NTRK2: variants seen among roughly 807,000 people sequenced by gnomAD.
The protein encoded by NTRK2 is neurotrophic receptor tyrosine kinase 2, also known as BDNF/NT-3 growth factors receptor.
A neutral mutation model predicts 94.5 loss-of-function variants in NTRK2; 13 were observed. The ratio of observed to expected loss-of-function variants is 0.14; its 90% CI spans 0.09 to 0.22. The LOEUF is 0.22. Ranked by LOEUF, NTRK2 falls within the 10% of genes least tolerant of loss-of-function variation. The pLI, the probability that NTRK2 is intolerant of heterozygous loss-of-function variation, is 1.00. For synonymous variants in NTRK2, 372 were observed against 407.4 expected (o/e 0.91, Z 1.05); for missense variants, 639 against 1,071.2 (o/e 0.60, Z 5.63).
At position 84,873,347 on chromosome 9, in the gene NTRK2, G is replaced by A. The variant is rs201151652; in HGVS notation, c.1633+5916G>A. On this transcript the variant is annotated intron_variant, in intron 14 of 18. Coordinates refer to ENST00000277120, the MANE Select transcript of NTRK2 (RefSeq NM_006180.6). Reference sequence around the variant, plus strand: ...AAGCTAAGTCCATTCTGCCCAGCACGAGCATTAGGACAGAGAATGCACTTA... The same window carrying A: ...AAGCTAAGTCCATTCTGCCCAGCACAAGCATTAGGACAGAGAATGCACTTA... 2.3e-5 allele frequency: 24 copies of A among 1,058,136 alleles called. No homozygotes were observed. In the African/African-American group the frequency reaches 2.3e-4, roughly 10 times the overall value. The allele number at this position is 1,058,136 out of a possible 1,614,324, so 65.5% of individuals were successfully genotyped here. A position where few individuals can be genotyped will look rare whatever the true frequency, so the allele number is the denominator to read the frequency against.
At chr9:84,901,244 A>G (rs1429646189) in intron 14 of NTRK2, among the ~76,000 whole-genome samples, 1 of 139,794 alleles carries the variant, frequency 7.2e-6, no homozygotes, top group African/African-American at 2.6e-5. Flanking sequence ...ATTTTTTGAG[A>G]TGGAGTCTCT....
intron 12 of NTRK2, among the ~76,000 whole-genome samples, chr9:84,773,712 T>C (rs1269342310): frequency 6.6e-6 from 1 of 152,238 alleles, no homozygotes; most frequent in Non-Finnish European, 1.5e-5. Flanking sequence ...AGGTTTATGA[T>C]AGCCAGTTTC....
intron 2 of NTRK2, among the ~76,000 whole-genome samples, chr9:84,690,718 CAA>C (rs71499831): frequency 7.7e-6 from 1 of 130,192 alleles, no homozygotes; most frequent in Non-Finnish European, 1.6e-5. Context: ...GACTCCATCT[CAA>C]AAAAAAAAAT....
chr9:84,896,777 A>G (rs1257249603), intron 14 of NTRK2, among the ~76,000 whole-genome samples: 1 of 152,236 alleles, frequency 6.6e-6, no homozygotes, highest in Non-Finnish European at 1.5e-5. Context: ...GGACATCTCC[A>G]CAAAATGCTT....
At chr9:84,877,608 G>C in intron 14 of NTRK2, 7 of 1,065,846 alleles carry the variant, frequency 6.6e-6, no homozygotes, top group Non-Finnish European at 8.0e-6. Context: ...GCACCATGTT[G>C]GGCTGCGGTA....
At chr9:85,001,252 TC>T (rs1364233176) in intron 17 of NTRK2, among the ~76,000 whole-genome samples, 2 of 152,176 alleles carry the variant, frequency 1.3e-5, no homozygotes, top group Non-Finnish European at 2.9e-5. Flanking sequence ...CAGTTGTCAT[TC>T]TCTTTTCTGT....
chr9:84,980,496 TACTA>T (rs1417510006), intron 17 of NTRK2, among the ~76,000 whole-genome samples: 2 of 152,216 alleles, frequency 1.3e-5, no homozygotes, highest in Non-Finnish European at 2.9e-5. Context: ...ACATGAACAT[TACTA>T]ACTACTAATC....
Position 84,973,220 on chromosome 9 carries a change from G to A in NTRK2, c.2172+17703G>A, listed in dbSNP as rs1588086312. 2.0e-5 allele frequency among the ~76,000 whole-genome samples: 3 copies of A among 152,156 alleles called. No homozygotes were observed. The South Asian group carries it at 6.2e-4, about 32-fold the overall frequency. On this transcript the variant is annotated intron_variant, in intron 17 of 18. Transcript: ENST00000277120. ...TGAATAATTAAGTGGCAGTAGTTAA[G>A]AGAAAAAGGGGAAAATGGTAAGCAG...
At chr9:84,712,765 C>T (rs1293820348) in intron 6 of NTRK2, among the ~76,000 whole-genome samples, 5 of 152,154 alleles carry the variant, frequency 3.3e-5, no homozygotes, top group Non-Finnish European at 7.4e-5. Flanking sequence ...TCTTGCCTAA[C>T]CATTTCTCCT....
intron 11 of NTRK2, 80 bp downstream of exon 11, chr9:84,745,153 T>A (rs2063955964): frequency 1.1e-6 from 1 of 930,228 alleles, no homozygotes; most frequent in African/African-American, 1.6e-5. Context: ...GCTGCTTCAA[T>A]AAGACACTTT....
chr9:84,994,502 G>C (rs544430224), intron 17 of NTRK2, among the ~76,000 whole-genome samples: 10 of 152,272 alleles, frequency 6.6e-5, no homozygotes, highest in Non-Finnish European at 1.5e-4. Context: ...GGTTCCCCAG[G>C]CAGTGCCTTT....
intron 12 of NTRK2, among the ~76,000 whole-genome samples, chr9:84,766,390 G>T (rs78379886): frequency 3.1e-4 from 47 of 152,176 alleles, no homozygotes; most frequent in African/African-American, 1.1e-3. Flanking sequence ...TGTTGTTGTT[G>T]TTTTGTTTTT....
intron 5 of NTRK2, among the ~76,000 whole-genome samples, chr9:84,708,182 G>A (rs1217142368): frequency 6.6e-6 from 1 of 152,032 alleles, no homozygotes; most frequent in African/African-American, 2.4e-5. Context: ...AATAATTTCT[G>A]GTACAGGGAA....
At chr9:84,694,960 G>A (rs1421718991) in intron 2 of NTRK2, among the ~76,000 whole-genome samples, 1 of 150,690 alleles carries the variant, frequency 6.6e-6, no homozygotes, top group African/African-American at 2.4e-5. Flanking sequence ...GGTGGATCAC[G>A]AGGTCAGGAG....
At chr9:84,799,645 A>G (rs2070140644) in intron 12 of NTRK2, among the ~76,000 whole-genome samples, 2 of 151,904 alleles carry the variant, frequency 1.3e-5, no homozygotes, top group African/African-American at 4.8e-5. Context: ...AATTCTGTGG[A>G]ATTTTTGATG....
chr9:84,827,099 T>C (rs2073237980), intron 12 of NTRK2, among the ~76,000 whole-genome samples: 1 of 152,234 alleles, frequency 6.6e-6, no homozygotes, highest in South Asian at 2.1e-4. Flanking sequence ...TATCATTACA[T>C]TATCATTCAC....
chr9:84,679,784 G>A (rs1203244910), intron 2 of NTRK2, among the ~76,000 whole-genome samples: 4 of 152,232 alleles, frequency 2.6e-5, no homozygotes, highest in African/African-American at 9.6e-5. Context: ...CTAAACAGCA[G>A]AAACCTGACC....
intron 12 of NTRK2, among the ~76,000 whole-genome samples, chr9:84,794,268 A>T (rs1286143394): frequency 6.6e-6 from 1 of 152,236 alleles, no homozygotes; most frequent in East Asian, 1.9e-4. Flanking sequence ...TTGCCTAGAA[A>T]TAGGCAGGAG....
chr9:84,987,018 G>A (rs559888479), intron 17 of NTRK2, among the ~76,000 whole-genome samples: 114 of 152,298 alleles, frequency 7.5e-4, no homozygotes, highest in Admixed American at 1.9e-3. Flanking sequence ...ATGAAGCTGA[G>A]GGAGGGTAGA....
Sources: allele counts gnomAD v4.1 joint callset (sites outside exome capture counted in the v4.1 genomes callset), GRCh38; gene constraint gnomAD v4.1.1; transcripts MANE v1.5; gene names NCBI Gene and HGNC (gene_info 2026-07-23, HGNC 2026-07-21).